The following ERCC8 variants were observed in gnomAD, a reference collection of about 807,000 sequenced individuals.
ERCC8 encodes DNA excision repair protein ERCC-8.
A neutral mutation model predicts 54.9 loss-of-function variants in ERCC8; 52 were observed. The ratio of observed to expected loss-of-function variants is 0.95; its 90% CI spans 0.76 to 1.19. The LOEUF (loss-of-function observed/expected upper bound fraction) is 1.19. Among genes scored for constraint, ERCC8 ranks in the 50% most tolerant of loss-of-function variants. ERCC8 has a pLI of 0.00. For missense variants in ERCC8, 514 were observed against 466.1 expected, an observed-to-expected ratio of 1.10 and a Z score of -0.95; for synonymous variants, 146 against 157.2, an observed-to-expected ratio of 0.93 and a Z score of 0.53.
rs1750402191 is a variant in ERCC8 at position 60,945,058 on chromosome 5, CA to C, written c.-51del. ...CACTGGACGTCGCCATGACAGAGCTCAGGGGCGGGACTGGAACAGCAGAGTC... is the reference window on the plus strand; with the variant it reads ...CACTGGACGTCGCCATGACAGAGCTCGGGGCGGGACTGGAACAGCAGAGTC... On this transcript the variant is annotated 5_prime_UTR_variant, in exon 1 of 12. Transcript: ENST00000676185. 3 of 1,540,228 alleles carry C rather than the reference CA, an allele frequency of 1.9e-6. No individual in the cohort carries two copies. Among genetic ancestry groups the C allele is most frequent in the Non-Finnish European group, 2.7e-6 (3 of 1,112,760 alleles).
chr5:60,907,976 C>T (rs1749128949), intron 4 of ERCC8, among the ~76,000 whole-genome samples: 2 of 152,136 alleles, frequency 1.3e-5, no homozygotes, highest in African/African-American at 2.4e-5. Flanking sequence ...TTGATTACTC[C>T]CATCCTCTTT....
chr5:60,868,013 T>G lies in ERCC8; in HGVS notation c.*6602A>C, dbSNP rs1247083133. ...CAGACCAACATGGAGAAACCCTGTC[T>G]CTACTAAAAATACAAAATAAGCCAG... is the stretch of plus-strand genomic sequence containing the variant. On this transcript the variant is annotated 3_prime_UTR_variant, in exon 12 of 12. Transcript: ENST00000676185. Among the ~76,000 whole-genome samples the G allele has an allele frequency of 6.6e-6, 1 of 152,132 alleles. No homozygotes were observed. Among genetic ancestry groups the G allele is most frequent in the Non-Finnish European group, 1.5e-5 (1 of 68,022 alleles).
At chr5:60,900,649 A>T (rs886722884) in intron 7 of ERCC8, 1 of 152,102 alleles carries the variant, frequency 6.6e-6, no homozygotes, top group Non-Finnish European at 1.5e-5. Context: ...AACTAGCATT[A>T]CCCATTCTTA....
At chr5:60,912,840 T>C (rs947889781) in intron 4 of ERCC8, among the ~76,000 whole-genome samples, 21 of 152,162 alleles carry the variant, frequency 1.4e-4, no homozygotes, top group African/African-American at 5.1e-4. Context: ...TCTGCATCTA[T>C]TGAGATAATC....
At chr5:60,904,677 T>C (rs1749015437) in intron 5 of ERCC8, 115 bp downstream of exon 5, 2 of 182,920 alleles carry the variant, frequency 1.1e-5, no homozygotes, top group Non-Finnish European at 2.1e-5. Context: ...TATATATATA[T>C]ATATATAAAA....
chr5:60,891,385 G>A lies in ERCC8; in HGVS notation c.844-299C>T, dbSNP rs141315347. 8.6e-3 allele frequency among the ~76,000 whole-genome samples: 1,311 copies of A among 152,118 alleles called. 8 individuals carry two copies. Among genetic ancestry groups the A allele is most frequent in the South Asian group, 0.027 (129 of 4,816 alleles). On this transcript the variant is annotated intron_variant, in intron 9 of 11. Transcript: ENST00000676185. The stretch of plus-strand genomic sequence containing the variant: ...CCATTTAGCAAAAAATTAAAAAAAC[G>A]TAAGACATTAGTGATACAAGTGAGG...
rs1747815191 is a variant in ERCC8 at position 60,869,279 on chromosome 5, G to A, written c.*5336C>T. 6.6e-6 allele frequency among the ~76,000 whole-genome samples: 1 copy of A among 151,778 alleles called. No individual in the cohort carries two copies. The highest frequency in any genetic ancestry group is 1.5e-5 in the Non-Finnish European group (1 of 67,966). ...GCCCTTATTTAAGTACCTAATTTGA[G>A]GTTTTCCTTTCCATTGTGAAATAGT... On this transcript the variant is annotated 3_prime_UTR_variant, in exon 12 of 12. Coordinates refer to ENST00000676185, the MANE Select transcript of ERCC8 (RefSeq NM_000082.4).
chr5:60,904,644 A>ATATATT (rs1221033443), intron 5 of ERCC8, 148 bp downstream of exon 5: 23 of 65,930 alleles, frequency 3.5e-4, no homozygotes, highest in African/African-American at 2.6e-3. Context: ...GTATATATAT[A>ATATATT]TATATATATA....
intron 1 of ERCC8, among the ~76,000 whole-genome samples, chr5:60,941,483 G>T (rs940359736): frequency 6.6e-6 from 1 of 152,172 alleles, no homozygotes; most frequent in Non-Finnish European, 1.5e-5. Context: ...AGAAGGAGAA[G>T]AGAAAGAGTG....
At chr5:60,934,106 T>C (rs553845587) in intron 1 of ERCC8, among the ~76,000 whole-genome samples, 38 of 152,240 alleles carry the variant, frequency 2.5e-4, no homozygotes, top group Non-Finnish European at 5.0e-4. Context: ...TACCCGGGAG[T>C]GGGAATGCTG....
chr5:60,879,367 T>C (rs1748127256), intron 11 of ERCC8, among the ~76,000 whole-genome samples: 1 of 152,252 alleles, frequency 6.6e-6, no homozygotes, highest in Admixed American at 6.5e-5. Flanking sequence ...TGGAGAGTTC[T>C]GTAGATGTCT....
chr5:60,929,731 C>A (rs1454262623), intron 1 of ERCC8, among the ~76,000 whole-genome samples: 2 of 152,110 alleles, frequency 1.3e-5, no homozygotes, highest in African/African-American at 4.8e-5. Flanking sequence ...CCATCATTAT[C>A]CTGGTGAGCA....
At chr5:60,915,251 AT>A (rs1749398250) in intron 4 of ERCC8, 1 of 152,050 alleles carries the variant, frequency 6.6e-6, no homozygotes, top group Non-Finnish European at 1.5e-5. Context: ...TCCTAAGCTC[AT>A]TTGTTGGTAA....
intron 11 of ERCC8, among the ~76,000 whole-genome samples, chr5:60,884,312 T>A: frequency 6.6e-6 from 1 of 151,722 alleles, no homozygotes; most frequent in Non-Finnish European, 1.5e-5. Flanking sequence ...CCATCTCTAC[T>A]AAAAATACAA....
chr5:60,894,279 C>T (rs577961608), intron 9 of ERCC8, among the ~76,000 whole-genome samples: 8 of 152,200 alleles, frequency 5.3e-5, no homozygotes, highest in African/African-American at 1.4e-4. Context: ...CCACTGCGCC[C>T]GGCTGGGAAT....
chr5:60,931,767 T>C (rs1404392847), intron 1 of ERCC8, among the ~76,000 whole-genome samples: 1 of 152,206 alleles, frequency 6.6e-6, no homozygotes, highest in African/African-American at 2.4e-5. Flanking sequence ...CAACAGAATA[T>C]ATGCTCTTTG....
intron 1 of ERCC8, among the ~76,000 whole-genome samples, chr5:60,936,718 GT>G (rs1326215703): frequency 6.6e-6 from 1 of 152,128 alleles, no homozygotes; most frequent in South Asian, 2.1e-4. Flanking sequence ...GACAGGTTGT[GT>G]CACTATTATC....
intron 11 of ERCC8, among the ~76,000 whole-genome samples, chr5:60,881,748 T>C (rs1056332820): frequency 1.3e-5 from 2 of 152,172 alleles, no homozygotes; most frequent in Non-Finnish European, 2.9e-5. Context: ...ATTTTCCAGG[T>C]GCCGTCTGTC....
rs558758043 is a variant in ERCC8, at chr5:60,872,325, G to T, written c.*2290C>A. On this transcript the variant is annotated 3_prime_UTR_variant, in exon 12 of 12. Coordinates refer to ENST00000676185, the MANE Select transcript of ERCC8 (RefSeq NM_000082.4). Reference sequence around the variant, plus strand: ...AAATGAAATTACATGAAACTAAAAAGCTTCTGCACAGCAAAGGAAACAATT... The same window carrying T: ...AAATGAAATTACATGAAACTAAAAATCTTCTGCACAGCAAAGGAAACAATT... Among the ~76,000 whole-genome samples the T allele has an allele frequency of 2.6e-5, 4 of 152,212 alleles. No individual in the cohort carries two copies. The South Asian group carries it at 8.3e-4, about 32-fold the overall frequency.
Sources: allele counts gnomAD v4.1 joint callset (sites outside exome capture counted in the v4.1 genomes callset), GRCh38; gene constraint gnomAD v4.1.1; transcripts MANE v1.5; gene names NCBI Gene and HGNC (gene_info 2026-07-23, HGNC 2026-07-21).